Variants in AATK observed in about 807,000 individuals in gnomAD.
The protein encoded by AATK is serine/threonine-protein kinase LMTK1.
AATK carries 91 observed loss-of-function variants against 114.3 expected under a neutral mutation model. The observed-to-expected ratio is 0.80, with a 90% confidence interval of 0.67 to 0.95. AATK has a LOEUF of 0.95. AATK is among the 40% of genes least tolerant of loss of function. The pLI is 0.00. For synonymous variants in AATK, 1,075 were observed against 916.5 expected, an observed-to-expected ratio of 1.17 and a Z score of -3.12; for missense variants, 2,176 against 1,965.2, an observed-to-expected ratio of 1.11 and a Z score of -2.03.
chr17:81,123,163 G>A, intron 10 of AATK, 31 bp downstream of exon 10: 1 of 1,409,452 alleles, frequency 7.1e-7, no homozygotes, highest in Non-Finnish European at 9.2e-7. Flanking sequence ...TCTCGGCCTG[G>A]CTGTCCGGGA....
At chr17:81,149,506 C>T (rs565739373) in intron 1 of AATK, among the ~76,000 whole-genome samples, 1 of 152,000 alleles carries the variant, frequency 6.6e-6, no homozygotes, top group East Asian at 1.9e-4. Context: ...AGGCCTCCAA[C>T]CTCCACCCCA....
At chr17:81,124,904 A>ACGG in intron 8 of AATK, 26 bp downstream of exon 8, 1 of 1,137,522 alleles carries the variant, frequency 8.8e-7, no homozygotes, top group Non-Finnish European at 1.3e-6. Flanking sequence ...CCTCATGCCC[A>ACGG]GCCCAGCCCA....
chr17:81,128,030 G>A (rs1275572681), intron 4 of AATK, 120 bp from the exon 5 acceptor site: 1 of 1,245,052 alleles, frequency 8.0e-7, no homozygotes. Flanking sequence ...CTCCTCCTGT[G>A]CCCCGTCCAC....
chr17:81,144,845 T>C (rs1001078285), intron 1 of AATK, among the ~76,000 whole-genome samples: 5 of 152,126 alleles, frequency 3.3e-5, no homozygotes, highest in Non-Finnish European at 7.3e-5. Context: ...CCTTCCAGCG[T>C]CAAAAGCTAC....
At chr17:81,161,653 G>A (rs1213572821) in intron 1 of AATK, among the ~76,000 whole-genome samples, 3 of 152,124 alleles carry the variant, frequency 2.0e-5, no homozygotes, top group Admixed American at 6.5e-5. Flanking sequence ...CTCCTGGAGC[G>A]TGGGTGCTGC....
chr17:81,160,622 G>C (rs998409049), intron 1 of AATK, among the ~76,000 whole-genome samples: 1 of 152,190 alleles, frequency 6.6e-6, no homozygotes, highest in South Asian at 2.1e-4. Flanking sequence ...TCCCCACCAC[G>C]GACACGGGCT....
chr17:81,148,138 C>T (rs887242454), intron 1 of AATK, among the ~76,000 whole-genome samples: 11 of 149,978 alleles, frequency 7.3e-5, no homozygotes, highest in African/African-American at 2.5e-4. Flanking sequence ...AAGAGTTTGT[C>T]TTGGGAGGTA....
rs1201229294 is a variant in AATK at position 81,120,907 on chromosome 17, C to A, written c.3029G>T (p.Gly1010Val). 1.9e-6 allele frequency: 3 copies of A among 1,595,074 alleles called. No individual in the cohort carries two copies. The highest frequency in any genetic ancestry group is 1.7e-6 in the Non-Finnish European group (2 of 1,171,362). Residue 1010 changes from glycine to valine, a missense_variant, in exon 11 of 14, where the codon GGC (glycine) becomes GTC (valine). Transcript: ENST00000326724. ...GTCCCCGCCGCACTTCTTCTCTGGG[C>A]CTGAGGTGGCCTCGGCCTCAGCCTC... ...DLEAEAEATS[G>V]PEKKCGGDRA...
At position 81,165,545 on chromosome 17, in the gene AATK, G is replaced by A. The variant is rs182834668; in HGVS notation, c.55+393C>T. 143 of 962,866 alleles carry A rather than the reference G, an allele frequency of 1.5e-4. No homozygotes were observed. In the East Asian group the frequency reaches 7.0e-3, roughly 47 times the overall value. The allele number at this position is 962,866 out of a possible 1,614,324, so 59.6% of individuals were successfully genotyped here. On this transcript the variant is annotated intron_variant, in intron 1 of 13. Coordinates refer to ENST00000326724, the MANE Select transcript of AATK (RefSeq NM_001080395.3). Reference sequence around the variant, plus strand: ...CCTGGGAAGAAGCCTCCCACGCCAGGGCCCCGGACCCAGGAGAGGCCATGG... The same window carrying A: ...CCTGGGAAGAAGCCTCCCACGCCAGAGCCCCGGACCCAGGAGAGGCCATGG...
At position 81,118,078 on chromosome 17, in the gene AATK, G is replaced by A. The variant is rs1284317611; in HGVS notation, c.*324C>T. On this transcript the variant is annotated 3_prime_UTR_variant, in exon 14 of 14. Transcript: ENST00000326724. ...GGCCAGGCAGGCAGGGCAGAGGGTGGGGGCCGCCGTGCCCAGGGGCACTGG... is the reference window on the plus strand; with the variant it reads ...GGCCAGGCAGGCAGGGCAGAGGGTGAGGGCCGCCGTGCCCAGGGGCACTGG... The A allele has an allele frequency of 3.4e-6, 1 of 295,370 alleles. No individual in the cohort carries two copies. The highest frequency in any genetic ancestry group is 6.4e-6 in the Non-Finnish European group (1 of 157,390). 18.3% of individuals were successfully genotyped at this position (295,370 alleles called of 1,614,324 possible). A position where few individuals can be genotyped will look rare whatever the true frequency, so the allele number is the denominator to read the frequency against.
At chr17:81,138,548 A>G (rs111211147) in intron 1 of AATK, among the ~76,000 whole-genome samples, 3,780 of 146,276 alleles carry the variant, frequency 0.026, 126 homozygotes, top group African/African-American at 0.08. Context: ...GTTCGCGTGC[A>G]CACACGTGCA....
chr17:81,126,916 GC>G lies in AATK; in HGVS notation c.622-357del. ...GCCGGCAGCCCCTGACCTGCCGAAA[GC>G]CCAGCCCCGGGACGGTCAACGTCAG... On this transcript the variant is annotated intron_variant, in intron 6 of 13. Coordinates refer to ENST00000326724, the MANE Select transcript of AATK (RefSeq NM_001080395.3). The surrounding 1 kb of genome is among the most constrained non-coding windows in gnomAD (Gnocchi z 5.1). 2.0e-6 allele frequency: 2 copies of G among 1,016,950 alleles called. No homozygotes were observed. The highest frequency in any genetic ancestry group is 2.4e-6 in the Non-Finnish European group (2 of 818,732). 63.0% of individuals were successfully genotyped at this position (1,016,950 alleles called of 1,614,324 possible).
intron 1 of AATK, among the ~76,000 whole-genome samples, chr17:81,134,818 G>A (rs1224911303): frequency 6.6e-6 from 1 of 152,216 alleles, no homozygotes; most frequent in Non-Finnish European, 1.5e-5. Context: ...GGGCTACAGG[G>A]GGACCCCCAT....
chr17:81,133,875 C>T (rs1248237114), intron 2 of AATK, among the ~76,000 whole-genome samples: 2 of 152,294 alleles, frequency 1.3e-5, no homozygotes, highest in East Asian at 3.9e-4. Context: ...CAGAAGATAC[C>T]CCGCGCAAGG....
intron 1 of AATK, among the ~76,000 whole-genome samples, chr17:81,157,138 G>A (rs2061376357): frequency 6.6e-6 from 1 of 152,224 alleles, no homozygotes; most frequent in African/African-American, 2.4e-5. Flanking sequence ...GGCAGGGGCT[G>A]TAAGTCACAA....
intron 3 of AATK, chr17:81,128,950 G>T (rs369465978): frequency 9.3e-7 from 1 of 1,077,884 alleles, no homozygotes; most frequent in Non-Finnish European, 1.1e-6. Flanking sequence ...CCACCCTGCC[G>T]CAGGCTGGCA....
chr17:81,140,887 C>A (rs1423624116), intron 1 of AATK, among the ~76,000 whole-genome samples: 2 of 127,296 alleles, frequency 1.6e-5, no homozygotes, highest in Non-Finnish European at 3.3e-5. Context: ...GCCGTGGGGA[C>A]CGTGAGCTGT....
At chr17:81,128,887 C>T (rs1291622349) in intron 3 of AATK, 2 of 1,158,298 alleles carry the variant, frequency 1.7e-6, no homozygotes, top group African/African-American at 3.2e-5. Flanking sequence ...GGCAGTGTGG[C>T]TGAGCAAGAG....
At chr17:81,152,498 C>T (rs565114617) in intron 1 of AATK, among the ~76,000 whole-genome samples, 13 of 152,246 alleles carry the variant, frequency 8.5e-5, no homozygotes, top group African/African-American at 2.9e-4. Flanking sequence ...GCGGGAGGAT[C>T]GCTTAAGCCC....
Sources: allele counts gnomAD v4.1 joint callset (sites outside exome capture counted in the v4.1 genomes callset), GRCh38; gene constraint gnomAD v4.1.1; non-coding constraint Gnocchi (gnomAD v3.1); transcripts MANE v1.5; gene names NCBI Gene and HGNC (gene_info 2026-07-23, HGNC 2026-07-21).